The following MLXIPL variants were observed in gnomAD, a reference collection of about 807,000 sequenced individuals.
MLXIPL encodes the protein carbohydrate-responsive element-binding protein.
In MLXIPL, 49 loss-of-function variants were observed where a neutral mutation model predicts 81.5. The observed-to-expected ratio is 0.60, with a 90% confidence interval of 0.48 to 0.76. The LOEUF is 0.76. Among genes scored for constraint, MLXIPL ranks in the 30% least tolerant of loss-of-function variants. MLXIPL has a pLI of 0.00. For synonymous variants in MLXIPL, 466 were observed against 485.5 expected (o/e 0.96, Z 0.53); for missense variants, 1,053 against 1,167.0 (o/e 0.90, Z 1.42).
chr7:73,603,010 C>T (rs1795003635), intron 7 of MLXIPL, among the ~76,000 whole-genome samples: 1 of 152,202 alleles, frequency 6.6e-6, no homozygotes, highest in South Asian at 2.1e-4. Flanking sequence ...GGCCCAAGTC[C>T]CTCCCTAGCC....
At chr7:73,618,183 G>A (rs777679298) in intron 1 of MLXIPL, among the ~76,000 whole-genome samples, 1 of 152,172 alleles carries the variant, frequency 6.6e-6, no homozygotes, top group Non-Finnish European at 1.5e-5. Context: ...TGCAACTTCC[G>A]TCTCCCAGGT....
Position 73,596,997 on chromosome 7 carries a change from A to G in MLXIPL, c.1604-65T>C. The stretch of plus-strand genomic sequence containing the variant: ...CACCCCCGGCATCTATCAAGACCCC[A>G]TCCTGCCCCTCCCAAGAGTCCACAC... On this transcript the variant is annotated intron_variant, in intron 9 of 16. Coordinates refer to ENST00000313375, the MANE Select transcript of MLXIPL (RefSeq NM_032951.3). This position sits in a 1 kb window ranked among gnomAD's most constrained non-coding sequence, Gnocchi z 4.7. 1 of 1,556,358 alleles carries G rather than the reference A, an allele frequency of 6.4e-7. No homozygotes were observed. The highest frequency in any genetic ancestry group is 8.7e-7 in the Non-Finnish European group (1 of 1,147,140).
the MLXIPL span, among the ~76,000 whole-genome samples, chr7:73,635,520 C>T: frequency 6.6e-6 from 1 of 151,822 alleles, no homozygotes; most frequent in African/African-American, 2.4e-5. Flanking sequence ...TTCTTTCATC[C>T]ACCCATCTCT....
intron 1 of MLXIPL, among the ~76,000 whole-genome samples, chr7:73,619,152 T>C (rs1289417365): frequency 6.6e-6 from 1 of 152,036 alleles, no homozygotes; most frequent in Non-Finnish European, 1.5e-5. Context: ...AGTGCAACCC[T>C]GTTTCTACAG....
At chr7:73,599,430 G>T in intron 8 of MLXIPL, 96 bp downstream of exon 8, 3 of 1,445,824 alleles carry the variant, frequency 2.1e-6, no homozygotes, top group Non-Finnish European at 1.9e-6. Context: ...AGAAGACTGG[G>T]CACTCAGGGA....
intron 8 of MLXIPL, 76 bp from the exon 9 acceptor site, chr7:73,597,789 C>A: frequency 8.8e-7 from 1 of 1,134,650 alleles, no homozygotes; most frequent in Non-Finnish European, 1.1e-6. Context: ...GCCTCCCCTG[C>A]CCTGCCTTGC....
At chr7:73,615,281 G>A (rs570378192) in intron 2 of MLXIPL, among the ~76,000 whole-genome samples, 46 of 152,258 alleles carry the variant, frequency 3.0e-4, no homozygotes, top group African/African-American at 1.1e-3. Flanking sequence ...ATTGGCCATG[G>A]TGGGCACCTA....
intron 4 of MLXIPL, 48 bp downstream of exon 4, chr7:73,607,283 A>G: frequency 6.6e-7 from 1 of 1,519,602 alleles, no homozygotes; most frequent in Non-Finnish European, 8.9e-7. Context: ...GGTAGCCGGC[A>G]GCCGCAGGAG....
rs1554593962 is a variant in MLXIPL at position 73,596,496 on chromosome 7, C to G, written c.1823-17G>C. 9 of 1,612,742 alleles carry G rather than the reference C, an allele frequency of 5.6e-6. No individual in the cohort carries two copies. The highest frequency in any genetic ancestry group is 2.7e-5 in the African/African-American group (2 of 75,004). On this transcript the variant is annotated splice_polypyrimidine_tract_variant and intron_variant, in intron 11 of 16. Coordinates refer to ENST00000313375, the MANE Select transcript of MLXIPL (RefSeq NM_032951.3). This position sits in a 1 kb window ranked among gnomAD's most constrained non-coding sequence, Gnocchi z 4.7. ...GTTCACTGCCTGTGGTAGGGACAGACAGACCCACAGAAAGACCGACCCAGG... is the reference window on the plus strand; with the variant it reads ...GTTCACTGCCTGTGGTAGGGACAGAGAGACCCACAGAAAGACCGACCCAGG...
rs782720329 is a variant in MLXIPL at position 73,621,342 on chromosome 7, C to T, written c.293+2858G>A. Among the ~76,000 whole-genome samples the T allele has an allele frequency of 5.1e-4, 78 of 151,806 alleles. 1 individual carries two copies. Among genetic ancestry groups the T allele is most frequent in the Non-Finnish European group, 1.0e-3 (69 of 67,920 alleles). On this transcript the variant is annotated intron_variant, in intron 1 of 16. Coordinates refer to ENST00000313375, the MANE Select transcript of MLXIPL (RefSeq NM_032951.3). ...GCCATGGAAGACGGCCTCCTCGATC[C>T]TCCCTCTGCCCACGCTAACCTGCAG...
chr7:73,597,022 C>A (rs1457135353), intron 9 of MLXIPL, 90 bp from the exon 10 acceptor site: 13 of 1,509,382 alleles, frequency 8.6e-6, no homozygotes, highest in African/African-American at 1.4e-5. Flanking sequence ...AGAGTCCACA[C>A]CCCTTTTAGG....
chr7:73,624,418 C>G lies in MLXIPL; in HGVS notation c.75G>C (p.Ser25=). The change falls in exon 1 of 17, where the codon TCG becomes TCC. Residue 25 remains serine (S), a synonymous_variant. Transcript: ENST00000313375. The part of the protein sequence containing the change: ...PRVAPSPDSD[S]DTDSEDPSLR... ...GACTCGGGTCCTCCGAGTCTGTGTC[C>G]GAGTCCGAGTCTGGGCTGGGCGCGA... 1 of 1,565,132 alleles carries G rather than the reference C, an allele frequency of 6.4e-7. No homozygotes were observed. Among genetic ancestry groups the G allele is most frequent in the Non-Finnish European group, 8.6e-7 (1 of 1,162,404 alleles).
At chr7:73,640,022 A>G in the MLXIPL span, among the ~76,000 whole-genome samples, 2 of 151,944 alleles carry the variant, frequency 1.3e-5, no homozygotes, top group South Asian at 4.2e-4. Context: ...AGATCGCACC[A>G]CTCCACTCCA....
the MLXIPL span, among the ~76,000 whole-genome samples, chr7:73,645,332 G>A: frequency 6.6e-6 from 1 of 152,176 alleles, no homozygotes; most frequent in South Asian, 2.1e-4. Context: ...CTGGCCCTAG[G>A]GCAGTAGTTG....
upstream of MLXIPL, among the ~76,000 whole-genome samples, chr7:73,625,354 A>G (rs1284484620): frequency 6.6e-6 from 1 of 152,170 alleles, no homozygotes; most frequent in Admixed American, 6.5e-5. Flanking sequence ...TGGGTCCTCC[A>G]CATAGGTAGA....
At chr7:73,595,611 C>G (rs1429431515) in intron 15 of MLXIPL, 26 bp downstream of exon 15, 3 of 1,614,102 alleles carry the variant, frequency 1.9e-6, no homozygotes, top group Non-Finnish European at 2.5e-6. Context: ...CTGCAGCCCC[C>G]CAGCCATGGG....
In MLXIPL at chr7:73,623,267, G is replaced by A. The variant is rs1796500511; in HGVS notation, c.293+933C>T. ...GGGGAGGAGGCGCCGCGGAGGAAGA[G>A]GAATATTTGCACAGAGAAAAGATCA... On this transcript the variant is annotated intron_variant, in intron 1 of 16. Coordinates refer to ENST00000313375, the MANE Select transcript of MLXIPL (RefSeq NM_032951.3). This position sits in a 1 kb window ranked among gnomAD's most constrained non-coding sequence, Gnocchi z 5.7. Among the ~76,000 whole-genome samples the A allele has an allele frequency of 6.6e-6, 1 of 152,206 alleles. No homozygotes were observed. The highest frequency in any genetic ancestry group is 2.4e-5 in the African/African-American group (1 of 41,464).
the MLXIPL span, among the ~76,000 whole-genome samples, chr7:73,641,876 C>T: frequency 3.2e-4 from 49 of 152,164 alleles, no homozygotes; most frequent in African/African-American, 1.1e-3. Flanking sequence ...CCTCATGATC[C>T]GCCCACCTCA....
intron 7 of MLXIPL, among the ~76,000 whole-genome samples, chr7:73,600,262 C>T (rs538333188): frequency 2.1e-4 from 30 of 140,176 alleles, no homozygotes; most frequent in Admixed American, 1.6e-3. Context: ...TGTAATGGGG[C>T]GAGAGGGGCC....
Sources: gnomAD v4.1 joint callset for allele counts (sites outside exome capture counted in the v4.1 genomes callset) on GRCh38, gnomAD v4.1.1 for gene constraint, Gnocchi (gnomAD v3.1) non-coding constraint, MANE v1.5 for transcripts, NCBI Gene and HGNC (gene_info 2026-07-23, HGNC 2026-07-21) for gene names.